The following IKZF3 variants were observed in gnomAD, a reference collection of about 807,000 sequenced individuals.
IKZF3 encodes zinc finger protein Aiolos.
Under a neutral mutation model 49.0 loss-of-function variants are expected in IKZF3, and 10 were observed. The ratio of observed to expected loss-of-function variants is 0.20; its 90% CI spans 0.13 to 0.35. IKZF3 has a LOEUF of 0.35. Ranked by LOEUF, IKZF3 falls within the 10% of genes least tolerant of loss-of-function variation. The pLI is 1.00. For synonymous variants in IKZF3, 209 were observed against 228.2 expected, an observed-to-expected ratio of 0.92 and a Z score of 0.76; for missense variants, 498 against 664.8, an observed-to-expected ratio of 0.75 and a Z score of 2.76.
At chr17:39,836,265 C>T (rs1187228822) in intron 1 of IKZF3, among the ~76,000 whole-genome samples, 3 of 152,144 alleles carry the variant, frequency 2.0e-5, no homozygotes, top group East Asian at 1.9e-4. Flanking sequence ...ATGCTGGCAC[C>T]CAGGACACCC....
chr17:39,818,766 G>C (rs1297354809), intron 3 of IKZF3, among the ~76,000 whole-genome samples: 1 of 152,162 alleles, frequency 6.6e-6, no homozygotes, highest in African/African-American at 2.4e-5. Flanking sequence ...GCTGAGGCAC[G>C]AGAATCACTT....
intron 3 of IKZF3, among the ~76,000 whole-genome samples, chr17:39,801,449 G>T (rs1567996420): frequency 6.6e-6 from 1 of 152,172 alleles, no homozygotes; most frequent in Admixed American, 6.5e-5. Flanking sequence ...TTTGACAGCT[G>T]TTAATAGGAT....
At chr17:39,858,289 T>C (rs911974905) in intron 1 of IKZF3, among the ~76,000 whole-genome samples, 1 of 151,912 alleles carries the variant, frequency 6.6e-6, no homozygotes, top group Non-Finnish European at 1.5e-5. Flanking sequence ...CAAGACTATG[T>C]CTCTATTAAA....
intron 6 of IKZF3, among the ~76,000 whole-genome samples, chr17:39,782,414 C>CA (rs529362310): frequency 1.2e-4 from 15 of 126,050 alleles, no homozygotes; most frequent in Admixed American, 2.9e-4. Context: ...ACAACAACAA[C>CA]ACACACACAC....
At chr17:39,827,552 C>A (rs1162114563) in intron 3 of IKZF3, among the ~76,000 whole-genome samples, 3 of 152,160 alleles carry the variant, frequency 2.0e-5, no homozygotes, top group Admixed American at 2.0e-4. Context: ...AAGAGATCCT[C>A]CTGCTTCAGC....
intron 1 of IKZF3, chr17:39,839,402 C>T (rs994705233): frequency 3.3e-6 from 2 of 599,434 alleles, no homozygotes; most frequent in Non-Finnish European, 6.3e-6. Context: ...TCCAATGTCT[C>T]CTTTTGGAGT....
chr17:39,838,312 CTTT>C (rs1202210707), intron 1 of IKZF3, among the ~76,000 whole-genome samples: 2 of 152,126 alleles, frequency 1.3e-5, no homozygotes, highest in Admixed American at 1.3e-4. Flanking sequence ...CCCCACAATG[CTTT>C]TTTCTCTGAT....
chr17:39,810,117 G>A (rs1369069301), intron 3 of IKZF3, among the ~76,000 whole-genome samples: 1 of 152,140 alleles, frequency 6.6e-6, no homozygotes, highest in Non-Finnish European at 1.5e-5. Context: ...TGAGATCTCA[G>A]GTTGAGAATC....
chr17:39,862,723 T>C (rs188089973), intron 1 of IKZF3, among the ~76,000 whole-genome samples: 1 of 152,294 alleles, frequency 6.6e-6, no homozygotes, highest in Admixed American at 6.5e-5. Context: ...ACATTCTCTT[T>C]CCATTTATAG....
chr17:39,847,053 A>G (rs1285047398), intron 1 of IKZF3, among the ~76,000 whole-genome samples: 1 of 152,144 alleles, frequency 6.6e-6, no homozygotes, highest in Non-Finnish European at 1.5e-5. Flanking sequence ...AGTTTATCTT[A>G]TCTAAAATGT....
chr17:39,776,290 C>T (rs1165753234), intron 7 of IKZF3, among the ~76,000 whole-genome samples: 1 of 152,210 alleles, frequency 6.6e-6, no homozygotes, highest in Non-Finnish European at 1.5e-5. Flanking sequence ...CTAAAATACA[C>T]TCAGAATAAT....
intron 1 of IKZF3, among the ~76,000 whole-genome samples, chr17:39,846,199 T>C (rs1413660688): frequency 6.6e-6 from 1 of 152,204 alleles, no homozygotes; most frequent in Non-Finnish European, 1.5e-5. Flanking sequence ...TAACACATCT[T>C]CTAAAGGACA....
chr17:39,782,245 G>A (rs2060761197), intron 6 of IKZF3, among the ~76,000 whole-genome samples: 1 of 152,102 alleles, frequency 6.6e-6, no homozygotes, highest in Admixed American at 6.5e-5. Flanking sequence ...TGAAATGAGT[G>A]CCCTTTGAAA....
chr17:39,843,359 T>A (rs1049470810), intron 1 of IKZF3, among the ~76,000 whole-genome samples: 1 of 152,168 alleles, frequency 6.6e-6, no homozygotes, highest in African/African-American at 2.4e-5. Flanking sequence ...TTGCAACTTT[T>A]CTGTAAGTTC....
intron 6 of IKZF3, among the ~76,000 whole-genome samples, chr17:39,784,694 G>C (rs1013978324): frequency 2.0e-5 from 3 of 152,172 alleles, no homozygotes; most frequent in Non-Finnish European, 4.4e-5. Context: ...GACCCACCGC[G>C]CCCGGCCAGG....
Position 39,781,890 on chromosome 17 carries a change from G to T in IKZF3, c.710-4123C>A, listed in dbSNP as rs984890453. On this transcript the variant is annotated intron_variant, in intron 6 of 7. Coordinates refer to ENST00000346872, the MANE Select transcript of IKZF3 (RefSeq NM_012481.5). ...CTGACATTTAAAAACATAAAATTCT[G>T]CAGTGTTCATGGATGGACATATTTT... Among the ~76,000 whole-genome samples the T allele has an allele frequency of 1.3e-4, 20 of 152,108 alleles. 1 individual carries two copies. The highest frequency in any genetic ancestry group is 2.5e-4 in the Non-Finnish European group (17 of 68,032).
At chr17:39,838,142 GT>G (rs2062356443) in intron 1 of IKZF3, among the ~76,000 whole-genome samples, 1 of 152,086 alleles carries the variant, frequency 6.6e-6, no homozygotes, top group South Asian at 2.1e-4. Flanking sequence ...AATCTGTACA[GT>G]TACGTTTTTC....
At chr17:39,807,959 T>C (rs1471885285) in intron 3 of IKZF3, among the ~76,000 whole-genome samples, 1 of 152,208 alleles carries the variant, frequency 6.6e-6, no homozygotes, top group East Asian at 1.9e-4. Context: ...GTGGTAGTTG[T>C]ACAGCTCTGT....
intron 1 of IKZF3, among the ~76,000 whole-genome samples, chr17:39,837,756 A>G (rs1405859229): frequency 1.3e-5 from 2 of 151,544 alleles, no homozygotes; most frequent in South Asian, 2.1e-4. Context: ...CTCCTGCCTC[A>G]GCCTCCCGAG....
Sources: gnomAD v4.1 joint callset for allele counts (sites outside exome capture counted in the v4.1 genomes callset) on GRCh38, gnomAD v4.1.1 for gene constraint, MANE v1.5 for transcripts, NCBI Gene and HGNC (gene_info 2026-07-23, HGNC 2026-07-21) for gene names.